BRAF: variants seen among roughly 807,000 people sequenced by gnomAD.
BRAF encodes B-Raf proto-oncogene, serine/threonine kinase, also known as serine/threonine-protein kinase B-raf.
Under a neutral mutation model 104.6 loss-of-function variants are expected in BRAF, and 16 were observed. The observed-to-expected ratio is 0.15, with a 90% CI of 0.10 to 0.23. The LOEUF (loss-of-function observed/expected upper bound fraction) is 0.23, where lower values mean the gene tolerates loss of function less well. BRAF is among the 10% of genes least tolerant of loss of function. BRAF has a pLI of 1.00. For missense variants in BRAF, 541 were observed against 937.3 expected (o/e 0.58, Z 5.52); for synonymous variants, 310 against 341.6 (o/e 0.91, Z 1.02).
intron 8 of BRAF, among the ~76,000 whole-genome samples, chr7:140,789,284 T>TG (rs1311369693): frequency 3.3e-5 from 5 of 152,182 alleles, no homozygotes; most frequent in African/African-American, 1.2e-4. Context: ...CAGTCGCTAC[T>TG]GGTAATGCAA....
At chr7:140,869,349 C>G (rs930374546) in intron 1 of BRAF, among the ~76,000 whole-genome samples, 4 of 152,106 alleles carry the variant, frequency 2.6e-5, no homozygotes, top group African/African-American at 9.7e-5. Context: ...TCACTGTTTT[C>G]TGACCAGGCA....
chr7:140,714,655 G>A (rs534384827), downstream of BRAF, among the ~76,000 whole-genome samples: 128 of 152,274 alleles, frequency 8.4e-4, no homozygotes, highest in African/African-American at 2.8e-3. Context: ...GCCACCGTGC[G>A]TGGACTCCCT....
intron 14 of BRAF, among the ~76,000 whole-genome samples, chr7:140,754,612 G>A (rs895583294): frequency 2.6e-5 from 4 of 151,964 alleles, no homozygotes; most frequent in Non-Finnish European, 5.9e-5. Flanking sequence ...GTTAGCTTTC[G>A]TTCTATTTTC....
At position 140,911,563 on chromosome 7, in the gene BRAF, T is replaced by A. The variant is rs529489881; in HGVS notation, c.138+13003A>T. Among the ~76,000 whole-genome samples the A allele has an allele frequency of 7.9e-5, 12 of 152,216 alleles. No individual in the cohort carries two copies. In the East Asian group the frequency reaches 2.1e-3, roughly 27 times the overall value. On this transcript the variant is annotated intron_variant, in intron 1 of 19. Coordinates refer to ENST00000644969, the MANE Select transcript of BRAF (RefSeq NM_001374258.1). ...AGAGGTTAAGAAAAGCTTCCTACAA[T>A]AAACGGTAGGTGAGGTAAGTCTGGA...
At chr7:140,847,263 G>A (rs1019684709) in intron 2 of BRAF, among the ~76,000 whole-genome samples, 40 of 151,812 alleles carry the variant, frequency 2.6e-4, no homozygotes, top group African/African-American at 8.7e-4. Context: ...TTAAAAAGGC[G>A]GAGATTGTTG....
rs190795870 is a variant in BRAF, at chr7:140,755,159, G to T, written c.1815-926C>A. Among the ~76,000 whole-genome samples the T allele has an allele frequency of 2.6e-5, 4 of 152,198 alleles. No individual in the cohort carries two copies. In the East Asian group the frequency reaches 7.7e-4, roughly 29 times the overall value. On this transcript the variant is annotated intron_variant, in intron 14 of 19. Coordinates refer to ENST00000644969, the MANE Select transcript of BRAF (RefSeq NM_001374258.1). ...AGGGCTGTGTCTTGTTTATTTCTTTGTATACCCAGTGCCGAGAACAGTGCT... is the reference window on the plus strand; with the variant it reads ...AGGGCTGTGTCTTGTTTATTTCTTTTTATACCCAGTGCCGAGAACAGTGCT...
At chr7:140,883,524 T>A (rs1813182674) in intron 1 of BRAF, among the ~76,000 whole-genome samples, 1 of 152,216 alleles carries the variant, frequency 6.6e-6, no homozygotes, top group Non-Finnish European at 1.5e-5. Flanking sequence ...CTCTACCCCA[T>A]CCCTAAATCA....
intron 1 of BRAF, among the ~76,000 whole-genome samples, chr7:140,891,947 T>A (rs1372106228): frequency 6.6e-6 from 1 of 152,138 alleles, no homozygotes; most frequent in African/African-American, 2.4e-5. Flanking sequence ...CAAGGAAGTT[T>A]ATACAATTCT....
At chr7:140,908,527 G>C (rs1224694810) in intron 1 of BRAF, among the ~76,000 whole-genome samples, 4 of 152,042 alleles carry the variant, frequency 2.6e-5, no homozygotes, top group African/African-American at 9.7e-5. Context: ...ATGGCTGGAG[G>C]GTCATTTATC....
intron 1 of BRAF, among the ~76,000 whole-genome samples, chr7:140,879,728 T>C (rs1374286514): frequency 1.5e-5 from 2 of 132,238 alleles, no homozygotes; most frequent in South Asian, 2.3e-4. Flanking sequence ...CTGTGGCAAT[T>C]TCTTTCTTTT....
intron 2 of BRAF, among the ~76,000 whole-genome samples, chr7:140,848,712 G>A (rs1808828813): frequency 6.6e-6 from 1 of 152,170 alleles, no homozygotes; most frequent in African/African-American, 2.4e-5. Context: ...TGACACCTTT[G>A]ATCAGCCTCC....
intron 1 of BRAF, among the ~76,000 whole-genome samples, chr7:140,914,581 G>C (rs1817369900): frequency 6.6e-6 from 1 of 152,054 alleles, no homozygotes; most frequent in Admixed American, 6.5e-5. Flanking sequence ...AAAAAGTTCT[G>C]AGTTAATTAG....
intron 13 of BRAF, 44 bp from the exon 13 acceptor site, chr7:140,777,132 T>G (rs749069319): frequency 1.9e-6 from 3 of 1,598,500 alleles, no homozygotes; most frequent in Non-Finnish European, 2.6e-6. Flanking sequence ...GTCGACAAAC[T>G]TTAGCAATTC....
chr7:140,904,129 G>A lies in BRAF; in HGVS notation c.138+20437C>T, dbSNP rs187763854. 8.7e-4 allele frequency among the ~76,000 whole-genome samples: 133 copies of A among 152,322 alleles called. 1 individual carries two copies. Among genetic ancestry groups the A allele is most frequent in the African/African-American group, 3.1e-3 (129 of 41,580 alleles). On this transcript the variant is annotated intron_variant, in intron 1 of 19. Coordinates refer to ENST00000644969, the MANE Select transcript of BRAF (RefSeq NM_001374258.1). ...TAATTTTAAAAGCAGTTCTACTGTG[G>A]TTCAAATGCTACCAGAAAGCATCGC...
intron 3 of BRAF, among the ~76,000 whole-genome samples, chr7:140,818,887 C>T (rs1487578644): frequency 1.3e-5 from 2 of 152,160 alleles, no homozygotes; most frequent in Non-Finnish European, 2.9e-5. Context: ...AGACAGCTTA[C>T]CTATCTTACG....
At chr7:140,787,688 T>C in intron 8 of BRAF, 104 bp from the exon 9 acceptor site, 3 of 939,204 alleles carry the variant, frequency 3.2e-6, no homozygotes, top group Non-Finnish European at 5.1e-6. Context: ...ATTTTATTAA[T>C]TAAAACAATA....
At chr7:140,784,519 G>A (rs896764636) in intron 10 of BRAF, among the ~76,000 whole-genome samples, 12 of 152,168 alleles carry the variant, frequency 7.9e-5, no homozygotes, top group Non-Finnish European at 1.8e-4. Context: ...CTGAGAAACA[G>A]CAGGGCTGAG....
At position 140,720,741 on chromosome 7, in the gene BRAF, G is replaced by A. The variant is rs1585884279; in HGVS notation, c.*5753C>T. On this transcript the variant is annotated 3_prime_UTR_variant, in exon 20 of 20. Coordinates refer to ENST00000644969, the MANE Select transcript of BRAF (RefSeq NM_001374258.1). ...TTTGTTGTTTATGCTAGTTTGCAGT[G>A]ACTTCCAACTCATACTCCACCAAAA... 9.4e-7 allele frequency: 1 copy of A among 1,065,916 alleles called. No homozygotes were observed. The highest frequency in any genetic ancestry group is 5.0e-5 in the East Asian group (1 of 20,168). The allele number at this position is 1,065,916 out of a possible 1,614,324, so 66.0% of individuals were successfully genotyped here. A position where few individuals can be genotyped will look rare whatever the true frequency, so the allele number is the denominator to read the frequency against.
intron 1 of BRAF, among the ~76,000 whole-genome samples, chr7:140,864,944 A>C (rs1810791129): frequency 6.6e-6 from 1 of 152,196 alleles, no homozygotes; most frequent in African/African-American, 2.4e-5. Context: ...GAACAAGAGG[A>C]CCAATGCAGA....
Sources: allele counts gnomAD v4.1 joint callset (sites outside exome capture counted in the v4.1 genomes callset), GRCh38; gene constraint gnomAD v4.1.1; transcripts MANE v1.5; gene names NCBI Gene and HGNC (gene_info 2026-07-23, HGNC 2026-07-21).